The following MTA3 variants were observed in gnomAD, a reference collection of about 807,000 sequenced individuals.
The protein encoded by MTA3 is metastasis-associated protein MTA3.
MTA3 carries 34 observed loss-of-function variants against 83.5 expected under a neutral mutation model. The observed-to-expected ratio is 0.41, with a 90% confidence interval of 0.31 to 0.54. The LOEUF is 0.54. Ranked by LOEUF, MTA3 falls within the 20% of genes least tolerant of loss-of-function variation. The probability of loss-of-function intolerance (pLI) is 0.33; values close to 1 mark genes in which losing one functional copy is unlikely to be tolerated. For missense variants in MTA3, 761 were observed against 726.4 expected (o/e 1.05, Z -0.55); for synonymous variants, 303 against 252.7 (o/e 1.20, Z -1.89).
At chr2:42,615,057 G>A (rs1260197518) in intron 4 of MTA3, among the ~76,000 whole-genome samples, 7 of 151,666 alleles carry the variant, frequency 4.6e-5, no homozygotes, top group Non-Finnish European at 2.9e-5. Flanking sequence ...TCTGGAGGCC[G>A]AGGCAGGTGG....
chr2:42,508,870 ATATAT>A lies in MTA3; in HGVS notation c.-141+13622_-141+13626del, dbSNP rs377099515. 3.1e-3 allele frequency among the ~76,000 whole-genome samples: 453 copies of A among 146,910 alleles called. 3 individuals are homozygous for A. The highest frequency in any genetic ancestry group is 0.022 in the South Asian group (105 of 4,772). Reference sequence around the variant, plus strand: ...ATTAAATTATTAAATATATTATATAATATATTATATATACAACATATATACTATAC... The same window carrying A: ...ATTAAATTATTAAATATATTATATAATATATATACAACATATATACTATAC... On this transcript the variant is annotated intron_variant, in intron 2 of 17. Coordinates refer to the MTA3 transcript ENST00000405592.
At chr2:42,574,789 G>T (rs1478112601) in intron 2 of MTA3, among the ~76,000 whole-genome samples, 4 of 152,106 alleles carry the variant, frequency 2.6e-5, no homozygotes, top group African/African-American at 9.7e-5. Context: ...AGAACTCCTG[G>T]CCTCAAGCAG....
chr2:42,529,035 T>C (rs543539350), intron 2 of MTA3, among the ~76,000 whole-genome samples: 28 of 152,286 alleles, frequency 1.8e-4, no homozygotes, highest in African/African-American at 6.5e-4. Context: ...TAAGTTACAG[T>C]TTACCATGTG....
At chr2:42,728,311 G>C (rs1341844410) in intron 16 of MTA3, among the ~76,000 whole-genome samples, 9 of 152,138 alleles carry the variant, frequency 5.9e-5, no homozygotes, top group Non-Finnish European at 1.3e-4. Context: ...TTGTGTATAT[G>C]TACCACATTT....
At chr2:42,667,621 AAGAGAGAGAGAGAG>A (rs70963342) in intron 8 of MTA3, among the ~76,000 whole-genome samples, 8 of 114,074 alleles carry the variant, frequency 7.0e-5, no homozygotes, top group African/African-American at 2.6e-4. Context: ...TAGAGAGAGA[AAGAGAGAGAGAGAG>A]AGAGAGAGAG....
intron 2 of MTA3, among the ~76,000 whole-genome samples, chr2:42,519,555 C>G (rs756709117): frequency 2.0e-5 from 3 of 150,624 alleles, no homozygotes; most frequent in Non-Finnish European, 4.4e-5. Context: ...GCATTGAGCC[C>G]AGATGGCACC....
At position 42,601,188 on chromosome 2, in the gene MTA3, G is replaced by A. The variant is rs553688892; in HGVS notation, c.191-8270G>A. Among the ~76,000 whole-genome samples the A allele has an allele frequency of 2.6e-5, 4 of 152,288 alleles. No homozygotes were observed. The South Asian group carries it at 8.3e-4, about 32-fold the overall frequency. ...CCAAAGTGCTGGGATTAAGGTGTGAGTCACCATCCCTGACCCATTTTTTAT... is the reference window on the plus strand; with the variant it reads ...CCAAAGTGCTGGGATTAAGGTGTGAATCACCATCCCTGACCCATTTTTTAT... On this transcript the variant is annotated intron_variant, in intron 3 of 16. Coordinates refer to ENST00000405094, the MANE Select transcript of MTA3 (RefSeq NM_001330442.2).
At chr2:42,643,977 C>G in intron 5 of MTA3, 150 bp from the exon 6 acceptor site, 1 of 484,736 alleles carries the variant, frequency 2.1e-6, no homozygotes, top group South Asian at 4.4e-5. Context: ...TAACACCATG[C>G]TCTCCTTAAA....
At chr2:42,518,024 A>G (rs1008585481) in intron 2 of MTA3, among the ~76,000 whole-genome samples, 1 of 151,942 alleles carries the variant, frequency 6.6e-6, no homozygotes, top group Non-Finnish European at 1.5e-5. Flanking sequence ...CTCCTCTACT[A>G]AAATACAAAA....
chr2:42,738,668 G>A (rs944028832), intron 16 of MTA3, among the ~76,000 whole-genome samples: 4 of 152,214 alleles, frequency 2.6e-5, no homozygotes, highest in Admixed American at 1.3e-4. Context: ...GGTGAGCCAG[G>A]CAGAACAGAG....
At chr2:42,550,824 C>G (rs1184794759) in intron 2 of MTA3, among the ~76,000 whole-genome samples, 1 of 152,022 alleles carries the variant, frequency 6.6e-6, no homozygotes, top group Admixed American at 6.6e-5. Flanking sequence ...GGTGGATCAA[C>G]TGAGGTCAGG....
rs770757656 is a variant in MTA3 at position 42,714,391 on chromosome 2, TA to T, written c.1526-4587del. 3.7e-4 allele frequency among the ~76,000 whole-genome samples: 56 copies of T among 150,204 alleles called. No individual in the cohort carries two copies. The East Asian group carries it at 6.0e-3, about 16-fold the overall frequency. ...AAAGACATATTAATAGTTGAATTTA[TA>T]AAAAAAAAATCATGAGTTTTGTGGC... On this transcript the variant is annotated intron_variant, in intron 14 of 16. Coordinates refer to ENST00000405094, the MANE Select transcript of MTA3 (RefSeq NM_001330442.2).
At chr2:42,621,830 C>G (rs1685581100) in intron 4 of MTA3, among the ~76,000 whole-genome samples, 1 of 151,808 alleles carries the variant, frequency 6.6e-6, no homozygotes, top group African/African-American at 2.4e-5. Context: ...CGTGGCCGGG[C>G]AGAGGCGCTC....
chr2:42,502,278 G>C lies in MTA3; in HGVS notation c.-141+7024G>C, dbSNP rs573570475. 3.3e-5 allele frequency among the ~76,000 whole-genome samples: 5 copies of C among 152,272 alleles called. No individual in the cohort carries two copies. In the South Asian group the frequency reaches 1.0e-3, roughly 32 times the overall value. ...AGAACGTTGGCTCTGGCCTGCAAGT[G>C]TGACCTCCTCCAGGACCCTCAGGAA... is the stretch of plus-strand genomic sequence containing the variant. On this transcript the variant is annotated intron_variant, in intron 2 of 17. Transcript: ENST00000405592.
rs1426723519 is a variant in MTA3, at chr2:42,732,732, T to C, written c.1759+9697T>C. 4.6e-5 allele frequency among the ~76,000 whole-genome samples: 7 copies of C among 152,238 alleles called. No individual in the cohort carries two copies. The South Asian group carries it at 1.4e-3, about 32-fold the overall frequency. ...GTTTCCCTTTTAAAACTGAATGCAG[T>C]ACCCAAGTGACCTCTTGAATGCTTT... On this transcript the variant is annotated intron_variant, in intron 16 of 16. Transcript: ENST00000405094.
intron 2 of MTA3, among the ~76,000 whole-genome samples, chr2:42,496,535 G>C (rs531078831): frequency 2.1e-5 from 3 of 144,042 alleles, no homozygotes; most frequent in Non-Finnish European, 4.5e-5. Flanking sequence ...TAAATCTTTA[G>C]AATGCATTAC....
In MTA3 at chr2:42,753,951, G is replaced by T; in HGVS notation, c.*552G>T. ...CTTTTTCTCGATAGGCTTCATCCTT[G>T]TTTTTTTGAAATGGGGGAATTTGCT... On this transcript the variant is annotated 3_prime_UTR_variant, in exon 17 of 17. Transcript: ENST00000405094. 1 of 985,808 alleles carries T rather than the reference G, an allele frequency of 1.0e-6. No individual in the cohort carries two copies. Among genetic ancestry groups the T allele is most frequent in the Non-Finnish European group, 1.2e-6 (1 of 830,198 alleles). 61.1% of individuals were successfully genotyped at this position (985,808 alleles called of 1,614,324 possible). A position where few individuals can be genotyped will look rare whatever the true frequency, so the allele number is the denominator to read the frequency against.
intron 2 of MTA3, among the ~76,000 whole-genome samples, chr2:42,572,119 T>G (rs1678558179): frequency 6.6e-6 from 1 of 150,602 alleles, no homozygotes; most frequent in South Asian, 2.1e-4. Context: ...CTACTAAAAA[T>G]ACAAAAAAAA....
At chr2:42,586,666 G>T (rs187517518) in intron 3 of MTA3, among the ~76,000 whole-genome samples, 1 of 151,706 alleles carries the variant, frequency 6.6e-6, no homozygotes, top group Non-Finnish European at 1.5e-5. Context: ...CAGCACTTTG[G>T]GGGCCCGAGA....
Sources: gnomAD v4.1 joint callset for allele counts (sites outside exome capture counted in the v4.1 genomes callset) on GRCh38, gnomAD v4.1.1 for gene constraint, MANE v1.5 for transcripts, NCBI Gene and HGNC (gene_info 2026-07-23, HGNC 2026-07-21) for gene names.